Variants in ZNF92 observed in about 807,000 individuals in gnomAD.
ZNF92 encodes the protein zinc finger protein 92.
A neutral mutation model predicts 12.4 loss-of-function variants in ZNF92; 11 were observed. The observed-to-expected ratio is 0.89, with a 90% confidence interval of 0.56 to 1.47. The LOEUF is 1.47. Ranked by LOEUF, ZNF92 falls within the 40% of genes most tolerant of loss-of-function variation. The probability of loss-of-function intolerance (pLI) is 0.00; values close to 1 mark genes in which losing one functional copy is unlikely to be tolerated. For synonymous variants in ZNF92, 206 were observed against 228.6 expected, an observed-to-expected ratio of 0.90 and a Z score of 0.89; for missense variants, 622 against 681.0, an observed-to-expected ratio of 0.91 and a Z score of 0.96.
chr7:65,380,430 T>TA (rs1178728242), intron 1 of ZNF92, among the ~76,000 whole-genome samples: 1 of 151,968 alleles, frequency 6.6e-6, no homozygotes, highest in Non-Finnish European at 1.5e-5. Flanking sequence ...CACGCCTGGC[T>TA]AATTTTTCTT....
intron 1 of ZNF92, among the ~76,000 whole-genome samples, chr7:65,387,001 G>A (rs1369616594): frequency 6.8e-6 from 1 of 147,888 alleles, no homozygotes. Flanking sequence ...GTGCAATGGC[G>A]CAATCTCGGC....
chr7:65,383,121 C>T (rs141563977), intron 1 of ZNF92, among the ~76,000 whole-genome samples: 1 of 152,134 alleles, frequency 6.6e-6, no homozygotes, highest in East Asian at 1.9e-4. Context: ...CTCTTTTTGC[C>T]TTTAAAAATC....
rs1175486172 is a variant in ZNF92 at position 65,378,736 on chromosome 7, C to T, written c.3+4736C>T. 7.3e-5 allele frequency among the ~76,000 whole-genome samples: 7 copies of T among 95,988 alleles called. No individual in the cohort carries two copies. In the East Asian group the frequency reaches 1.1e-3, roughly 15 times the overall value. 63.0% of individuals were successfully genotyped at this position (95,988 alleles called of 152,430 possible). On this transcript the variant is annotated intron_variant, in intron 1 of 3. Transcript: ENST00000328747. ...CAGCCTGGGCGACAGAGCAAGACTC[C>T]GTCTCAAAAAAAAAAAAAAGTATTT...
In ZNF92 at chr7:65,387,835, TA is replaced by T. The variant is rs1325441163; in HGVS notation, c.4-61del. Reference sequence around the variant, plus strand: ...CTCTTTCATTTCACCTTAAGTCAAATAAAAAATTCTGCCCATGGCCACTTAG... The same window carrying T: ...CTCTTTCATTTCACCTTAAGTCAAATAAAAATTCTGCCCATGGCCACTTAG... On this transcript the variant is annotated intron_variant, in intron 1 of 3. Coordinates refer to ENST00000328747, the MANE Select transcript of ZNF92 (RefSeq NM_152626.4). 38 of 1,476,488 alleles carry T rather than the reference TA, an allele frequency of 2.6e-5. No individual in the cohort carries two copies. In the African/African-American group the frequency reaches 2.6e-4, roughly 10 times the overall value. The allele number at this position is 1,476,488 out of a possible 1,614,324, so 91.5% of individuals were successfully genotyped here. A position where few individuals can be genotyped will look rare whatever the true frequency, so the allele number is the denominator to read the frequency against.
intron 1 of ZNF92, among the ~76,000 whole-genome samples, chr7:65,387,407 C>G (rs1242487140): frequency 6.6e-6 from 1 of 152,080 alleles, no homozygotes; most frequent in Non-Finnish European, 1.5e-5. Context: ...ACTCCTCCCC[C>G]TTACTGGATG....
chr7:65,384,697 T>C (rs184097915), intron 1 of ZNF92, among the ~76,000 whole-genome samples: 1 of 152,126 alleles, frequency 6.6e-6, no homozygotes, highest in East Asian at 1.9e-4. Context: ...TTTTCTTTAT[T>C]CCTCTCATCT....
At chr7:65,387,087 G>A (rs890064987) in intron 1 of ZNF92, among the ~76,000 whole-genome samples, 2 of 151,402 alleles carry the variant, frequency 1.3e-5, no homozygotes, top group South Asian at 2.1e-4. Context: ...TTACAGGCAC[G>A]CGCCACCATG....
At chr7:65,384,372 T>C (rs1031399023) in intron 1 of ZNF92, among the ~76,000 whole-genome samples, 13 of 152,106 alleles carry the variant, frequency 8.5e-5, no homozygotes, top group Non-Finnish European at 1.5e-4. Context: ...GGAGGCCTTA[T>C]TGAAGTCTGG....
chr7:65,386,375 T>A (rs1793565157), intron 1 of ZNF92, among the ~76,000 whole-genome samples: 1 of 152,120 alleles, frequency 6.6e-6, no homozygotes, highest in Non-Finnish European at 1.5e-5. Context: ...TTATATGCCA[T>A]GTAGAATTCT....
Position 65,388,032 on chromosome 7 carries a change from AG to A in ZNF92, c.130+6del. The A allele has an allele frequency of 6.2e-7, 1 of 1,602,074 alleles. No homozygotes were observed. Among genetic ancestry groups the A allele is most frequent in the Non-Finnish European group, 8.5e-7 (1 of 1,174,590 alleles). On this transcript the variant is annotated splice_donor_5th_base_variant and intron_variant, in intron 2 of 3. Coordinates refer to ENST00000328747, the MANE Select transcript of ZNF92 (RefSeq NM_152626.4). ...TACAGAAACCTGGTCTTCCTTGGTG[AG>A]GATAACTTCAATACACAATACACAA...
chr7:65,396,877 A>C (rs1036443812), intron 3 of ZNF92, among the ~76,000 whole-genome samples: 10 of 152,040 alleles, frequency 6.6e-5, no homozygotes, highest in Non-Finnish European at 1.2e-4. Flanking sequence ...TTTATTTTGG[A>C]AAATCTATTT....
chr7:65,398,908 C>G lies in ZNF92; in HGVS notation c.794C>G (p.Ala265Gly). The G allele has an allele frequency of 6.2e-7, 1 of 1,613,212 alleles. No individual in the cohort carries two copies. The highest frequency in any genetic ancestry group is 8.5e-7 in the Non-Finnish European group (1 of 1,179,768). The part of the protein sequence containing the change: ...KPYKCEECGK[A>G]FNRSSTLTKH... Reference sequence around the variant, plus strand: ...TACAAATGTGAAGAATGTGGCAAAGCTTTTAACCGGTCCTCAACCCTTACT... The same window carrying G: ...TACAAATGTGAAGAATGTGGCAAAGGTTTTAACCGGTCCTCAACCCTTACT... The change falls in exon 4 of 4, where the codon GCT (alanine) becomes GGT (glycine). Residue 265 changes from alanine to glycine, a missense_variant. Physicochemically the swap from Ala to Gly is moderately conservative, Grantham distance 60. Coordinates refer to ENST00000328747, the MANE Select transcript of ZNF92 (RefSeq NM_152626.4).
chr7:65,374,911 A>G (rs146459460), intron 1 of ZNF92, among the ~76,000 whole-genome samples: 1 of 151,950 alleles, frequency 6.6e-6, no homozygotes, highest in African/African-American at 2.4e-5. Flanking sequence ...TAAAATACTA[A>G]ATTTCCAGTT....
In ZNF92 at chr7:65,373,876, T is replaced by C. The variant is rs1456781693; in HGVS notation, c.-122T>C. ...CTTTGTCTCTCGCTGCAGCCGGCGC[T>C]CCACGTCTAGTCTTCACTGCTCTGC... On this transcript the variant is annotated 5_prime_UTR_variant, in exon 1 of 4. Coordinates refer to ENST00000328747, the MANE Select transcript of ZNF92 (RefSeq NM_152626.4). The C allele has an allele frequency of 9.3e-6, 13 of 1,399,730 alleles. No homozygotes were observed. The highest frequency in any genetic ancestry group is 1.3e-5 in the Non-Finnish European group (13 of 987,402). The allele number at this position is 1,399,730 out of a possible 1,614,324, so 86.7% of individuals were successfully genotyped here.
intron 1 of ZNF92, among the ~76,000 whole-genome samples, chr7:65,384,177 TA>T (rs2116357682): frequency 6.6e-6 from 1 of 152,302 alleles, no homozygotes; most frequent in Admixed American, 6.5e-5. Context: ...AATTGCTTAT[TA>T]GTATATGTTA....
Position 65,399,308 on chromosome 7 carries a change from AT to A in ZNF92, c.1195del (p.Cys399ValfsTer19). The A allele has an allele frequency of 6.2e-7, 1 of 1,613,102 alleles. No individual in the cohort carries two copies. The highest frequency in any genetic ancestry group is 2.2e-5 in the East Asian group (1 of 44,820). ...RIHTGEKPYK[C>X]EECGKAFKQS... ...TTCATACGGGAGAAAAACCCTACAA[AT>A]GTGAAGAATGTGGCAAAGCTTTTAA... On this transcript the variant is annotated frameshift_variant, in exon 4 of 4. Coordinates refer to ENST00000328747, the MANE Select transcript of ZNF92 (RefSeq NM_152626.4). LOFTEE classifies it low-confidence loss of function (END_TRUNC).
chr7:65,382,165 A>G (rs1793437503), intron 1 of ZNF92, among the ~76,000 whole-genome samples: 1 of 152,022 alleles, frequency 6.6e-6, no homozygotes, highest in Non-Finnish European at 1.5e-5. Context: ...TATGTATAAC[A>G]TGGTACTGTA....
At chr7:65,388,704 T>C (rs1793634000) in intron 2 of ZNF92, 102 bp from the exon 3 acceptor site, 4 of 900,016 alleles carry the variant, frequency 4.4e-6, no homozygotes, top group Non-Finnish European at 6.4e-6. Flanking sequence ...TGGGGATTAA[T>C]TTACTAGATT....
chr7:65,373,941 C>G lies in ZNF92; in HGVS notation c.-57C>G. On this transcript the variant is annotated 5_prime_UTR_variant, in exon 1 of 4. Coordinates refer to ENST00000328747, the MANE Select transcript of ZNF92 (RefSeq NM_152626.4). The stretch of plus-strand genomic sequence containing the variant: ...AAGGCTCGCCGCTGTGACCCTGTTA[C>G]CTGCAAGAACTTGGAGGTTCACAGC... 6.2e-7 allele frequency: 1 copy of G among 1,613,292 alleles called. No individual in the cohort carries two copies. The highest frequency in any genetic ancestry group is 8.5e-7 in the Non-Finnish European group (1 of 1,179,310).
Sources: allele counts gnomAD v4.1 joint callset (sites outside exome capture counted in the v4.1 genomes callset), GRCh38; gene constraint gnomAD v4.1.1; transcripts MANE v1.5; gene names NCBI Gene and HGNC (gene_info 2026-07-23, HGNC 2026-07-21).